The following CSDE1 variants were observed in gnomAD, a reference collection of about 807,000 sequenced individuals.
The protein encoded by CSDE1 is cold shock domain containing E1, also known as cold shock domain-containing protein E1.
A neutral mutation model predicts 89.3 loss-of-function variants in CSDE1; 17 were observed. The ratio of observed to expected loss-of-function variants is 0.19; its 90% CI spans 0.13 to 0.29. The LOEUF is 0.29. Among genes scored for constraint, CSDE1 ranks in the 10% least tolerant of loss-of-function variants. The pLI is 1.00. For missense variants in CSDE1, 672 were observed against 984.2 expected (o/e 0.68, Z 4.24); for synonymous variants, 322 against 332.8 (o/e 0.97, Z 0.35).
chr1:114,746,857 T>C (rs1220716978), intron 2 of CSDE1: 1 of 152,224 alleles, frequency 6.6e-6, no homozygotes, highest in Non-Finnish European at 1.5e-5. Flanking sequence ...AGTTCCCACA[T>C]CTGACTGAAA....
intron 9 of CSDE1, among the ~76,000 whole-genome samples, chr1:114,733,323 C>A (rs573489657): frequency 1.3e-5 from 2 of 151,960 alleles, no homozygotes; most frequent in East Asian, 3.9e-4. Flanking sequence ...GTCAAGAGAT[C>A]GAGACCATCC....
chr1:114,730,194 T>A (rs1570911418), intron 12 of CSDE1, 64 bp downstream of exon 12: 1 of 1,540,352 alleles, frequency 6.5e-7, no homozygotes. Flanking sequence ...TCTATTACTA[T>A]GTGCTGTTAA....
At position 114,718,014 on chromosome 1, in the gene CSDE1, A is replaced by G; in HGVS notation, c.*155T>C. ...TTCTTAAATTTATTTATTTTTTTAA[A>G]CATAACACGAGGAAGGTGTTAAAAC... On this transcript the variant is annotated 3_prime_UTR_variant, in exon 20 of 20. Coordinates refer to ENST00000358528, the MANE Select transcript of CSDE1 (RefSeq NM_001007553.3). The G allele has an allele frequency of 1.5e-6, 1 of 666,456 alleles. No individual in the cohort carries two copies. The allele number at this position is 666,456 out of a possible 1,614,324, so 41.3% of individuals were successfully genotyped here.
At chr1:114,736,029 T>C (rs1410885417) in intron 6 of CSDE1, among the ~76,000 whole-genome samples, 1 of 152,184 alleles carries the variant, frequency 6.6e-6, no homozygotes, top group Non-Finnish European at 1.5e-5. Flanking sequence ...ATTCTCCTTA[T>C]GTCTCCTTAG....
chr1:114,739,421 C>T (rs1660599127), intron 3 of CSDE1, among the ~76,000 whole-genome samples: 2 of 152,146 alleles, frequency 1.3e-5, no homozygotes, highest in African/African-American at 4.8e-5. Flanking sequence ...TACAAAAGTT[C>T]AATATTCGTA....
At chr1:114,746,870 T>C (rs562282769) in intron 2 of CSDE1, 5 of 152,238 alleles carry the variant, frequency 3.3e-5, no homozygotes, top group Middle Eastern at 3.4e-3. Flanking sequence ...GACTGAAAAA[T>C]CAGGACATTT....
intron 13 of CSDE1, 54 bp downstream of exon 13, chr1:114,726,929 T>C: frequency 8.2e-7 from 1 of 1,214,472 alleles, no homozygotes. Flanking sequence ...CTGCAGGATT[T>C]ATGATTAAGA....
chr1:114,738,935 C>A (rs554658886), intron 3 of CSDE1, among the ~76,000 whole-genome samples: 20 of 152,040 alleles, frequency 1.3e-4, no homozygotes, highest in Non-Finnish European at 2.6e-4. Flanking sequence ...GCCCTGGCCT[C>A]CCAAAATGCT....
chr1:114,741,781 T>A, intron 2 of CSDE1: 1 of 802,508 alleles, frequency 1.2e-6, no homozygotes, highest in Non-Finnish European at 1.8e-6. Flanking sequence ...ATAAATTAGA[T>A]TTCTATTGAC....
At chr1:114,732,053 G>A (rs1366848421) in intron 10 of CSDE1, among the ~76,000 whole-genome samples, 1 of 150,868 alleles carries the variant, frequency 6.6e-6, no homozygotes, top group Non-Finnish European at 1.5e-5. Context: ...GACCTCAAGT[G>A]ATCACCCGCC....
chr1:114,732,845 G>A (rs1196666732), intron 9 of CSDE1, 29 bp from the exon 10 acceptor site: 25 of 1,557,810 alleles, frequency 1.6e-5, no homozygotes, highest in East Asian at 1.3e-4. Flanking sequence ...GATTTTAGCT[G>A]GAGATTTCTC....
chr1:114,728,102 G>GT (rs1659900108), intron 12 of CSDE1, among the ~76,000 whole-genome samples: 1 of 152,036 alleles, frequency 6.6e-6, no homozygotes, highest in African/African-American at 2.4e-5. Flanking sequence ...ACATTACCAG[G>GT]TATTATGTAT....
chr1:114,727,892 C>T (rs2101027254), intron 12 of CSDE1: 1 of 152,216 alleles, frequency 6.6e-6, no homozygotes, highest in South Asian at 2.1e-4. Context: ...CAGTGTACAG[C>T]AACTACATAA....
In CSDE1 at chr1:114,726,368, C is replaced by T. The variant is rs1237542264; in HGVS notation, c.1483G>A (p.Asp495Asn). ...ACCTGCTGTCCAGGCCTCTGTTTGT[C>T]ACTAATACTAAATTCAACCTGTGAA... ...IGDKVEFSIS[D>N]KQRPGQQVAT... The change falls in exon 14 of 20, where the codon GAC becomes AAC. Residue 495 changes from aspartate to asparagine, a missense_variant. Asp to Asn is a conservative substitution (Grantham distance 23, BLOSUM62 1). This residue lies in a region of CSDE1 where 108 missense variants were observed against 105.0 expected (regional missense o/e 1.03). Coordinates refer to ENST00000358528, the MANE Select transcript of CSDE1 (RefSeq NM_001007553.3). The T allele has an allele frequency of 3.1e-6, 5 of 1,609,172 alleles. No homozygotes were observed. The highest frequency in any genetic ancestry group is 4.2e-6 in the Non-Finnish European group (5 of 1,178,440).
At chr1:114,720,935 T>C (rs1305587266) in intron 16 of CSDE1, among the ~76,000 whole-genome samples, 2 of 152,206 alleles carry the variant, frequency 1.3e-5, no homozygotes, top group Non-Finnish European at 2.9e-5. Context: ...CATCAGTACT[T>C]TATTAGCTGA....
intron 2 of CSDE1, 123 bp from the exon 3 acceptor site, chr1:114,740,013 G>A (rs1660634669): frequency 1.4e-6 from 1 of 717,416 alleles, no homozygotes; most frequent in East Asian, 2.5e-5. Context: ...ATGAAGGGAA[G>A]ATTATAGACT....
chr1:114,749,102 C>G (rs1661164960), intron 2 of CSDE1, among the ~76,000 whole-genome samples: 1 of 152,172 alleles, frequency 6.6e-6, no homozygotes, highest in African/African-American at 2.4e-5. Context: ...ATACCTCTAC[C>G]AATGTCTCTT....
Position 114,723,941 on chromosome 1 carries a change from C to A in CSDE1, c.1815G>T (p.Leu605=). 1 of 1,614,100 alleles carries A rather than the reference C, an allele frequency of 6.2e-7. No individual in the cohort carries two copies. Among genetic ancestry groups the A allele is most frequent in the Non-Finnish European group, 8.5e-7 (1 of 1,179,974 alleles). ...TIYSGKVIRP[L]RSVDPTQTEY... is the part of the protein sequence containing the mutation. ...CAGTCTGTGTTGGATCAACACTCCT[C>A]AGGGGGCGAATTACTTTGCCAGAGT... Residue 605 remains leucine (L), a synonymous_variant, in exon 16 of 20, where the codon CTG becomes CTT. Transcript: ENST00000358528.
chr1:114,741,451 C>T, intron 2 of CSDE1: 1 of 1,327,764 alleles, frequency 7.5e-7, no homozygotes. Context: ...ATATTTCAAC[C>T]AGAATGAGTG....
Sources: allele counts gnomAD v4.1 joint callset (sites outside exome capture counted in the v4.1 genomes callset), GRCh38; gene constraint gnomAD v4.1.1; regional missense constraint gnomAD v4.1.1; transcripts MANE v1.5; gene names NCBI Gene and HGNC (gene_info 2026-07-23, HGNC 2026-07-21).